The following OSBPL10 variants were observed in gnomAD, a reference collection of about 807,000 sequenced individuals.
OSBPL10 encodes the protein oxysterol-binding protein-related protein 10.
In OSBPL10, 49 loss-of-function variants were observed where a neutral mutation model predicts 81.7. That is an observed-to-expected ratio of 0.60 (90% CI 0.48 to 0.76). The LOEUF (loss-of-function observed/expected upper bound fraction) is 0.76, where lower values mean the gene tolerates loss of function less well. OSBPL10 is among the 30% of genes least tolerant of loss of function. OSBPL10 has a pLI of 0.00. For synonymous variants in OSBPL10, 419 were observed against 383.6 expected (o/e 1.09, Z -1.08); for missense variants, 923 against 987.8 (o/e 0.93, Z 0.88).
At chr3:32,060,730 T>C (rs7634757) in intron 1 of OSBPL10, among the ~76,000 whole-genome samples, 54,661 of 89,470 alleles carry the variant, frequency 0.61, 23,598 homozygotes, top group South Asian at 0.84. Context: ...CCGAGCTGGG[T>C]GGATCACCTG....
chr3:31,775,068 T>TCCCA (rs1698514032), intron 4 of OSBPL10, among the ~76,000 whole-genome samples: 1 of 150,744 alleles, frequency 6.6e-6, no homozygotes, highest in Non-Finnish European at 1.5e-5. Context: ...TCAGTGGGGG[T>TCCCA]GGCTGAGGCA....
At chr3:31,976,089 A>G (rs996159768) in intron 1 of OSBPL10, among the ~76,000 whole-genome samples, 1 of 152,244 alleles carries the variant, frequency 6.6e-6, no homozygotes, top group Non-Finnish European at 1.5e-5. Flanking sequence ...TGAAGTAATC[A>G]TCTTCTCCCC....
At chr3:31,828,909 ACT>A (rs1339842291) in intron 4 of OSBPL10, among the ~76,000 whole-genome samples, 21 of 152,002 alleles carry the variant, frequency 1.4e-4, no homozygotes, top group Non-Finnish European at 2.9e-5. Context: ...TAGAATTCTG[ACT>A]CTCTACTTTT....
intron 3 of OSBPL10, among the ~76,000 whole-genome samples, chr3:31,865,790 C>T (rs1701164854): frequency 6.6e-6 from 1 of 152,194 alleles, no homozygotes; most frequent in African/African-American, 2.4e-5. Flanking sequence ...CACCAAAATT[C>T]TGAGAATTCA....
chr3:31,853,913 CG>C (rs1457395053), intron 3 of OSBPL10, among the ~76,000 whole-genome samples: 1 of 152,124 alleles, frequency 6.6e-6, no homozygotes, highest in Non-Finnish European at 1.5e-5. Context: ...TTATTTATAA[CG>C]TTTCAGGGTT....
At chr3:31,974,819 A>C (rs1240073315) in intron 1 of OSBPL10, among the ~76,000 whole-genome samples, 1 of 152,190 alleles carries the variant, frequency 6.6e-6, no homozygotes, top group East Asian at 1.9e-4. Flanking sequence ...AATTCATTGA[A>C]CTGTGTATGT....
chr3:31,852,297 G>A (rs4349533), intron 3 of OSBPL10, among the ~76,000 whole-genome samples: 44,989 of 151,958 alleles, frequency 0.3, 6,818 homozygotes, highest in East Asian at 0.52. Context: ...CGGCAGTCGG[G>A]GGCAGGGGGT....
intron 1 of OSBPL10, among the ~76,000 whole-genome samples, chr3:31,892,425 G>A (rs918374053): frequency 1.3e-5 from 2 of 152,204 alleles, no homozygotes; most frequent in East Asian, 3.8e-4. Context: ...AGTAGGGAAA[G>A]GCCAGGAAAG....
At chr3:31,997,238 T>A (rs1699098366) in intron 2 of OSBPL10, among the ~76,000 whole-genome samples, 1 of 151,920 alleles carries the variant, frequency 6.6e-6, no homozygotes, top group Non-Finnish European at 1.5e-5. Context: ...CCTAATAGTC[T>A]CCCTATGAGC....
chr3:31,800,615 A>G (rs1177241779), intron 4 of OSBPL10, among the ~76,000 whole-genome samples: 2 of 152,286 alleles, frequency 1.3e-5, no homozygotes, highest in Non-Finnish European at 2.9e-5. Flanking sequence ...AAATGCTTAT[A>G]CGAATAAACA....
chr3:31,675,489 C>T (rs1700444347), intron 8 of OSBPL10, among the ~76,000 whole-genome samples: 2 of 152,316 alleles, frequency 1.3e-5, no homozygotes, highest in African/African-American at 2.4e-5. Flanking sequence ...ATAATGGTAT[C>T]TGTATCTCCC....
intron 4 of OSBPL10, among the ~76,000 whole-genome samples, chr3:31,778,267 C>G (rs1698598654): frequency 6.6e-6 from 1 of 152,172 alleles, no homozygotes; most frequent in East Asian, 1.9e-4. Context: ...TCCCTAGTGA[C>G]AGAGGCAGCC....
chr3:31,774,401 G>GATCA (rs1698486614), intron 4 of OSBPL10, among the ~76,000 whole-genome samples: 1 of 152,222 alleles, frequency 6.6e-6, no homozygotes, highest in Non-Finnish European at 1.5e-5. Flanking sequence ...GGCGAGCGGA[G>GATCA]TGTCGAGGCT....
At chr3:31,748,234 T>C in intron 4 of OSBPL10, 114 bp from the exon 5 acceptor site, 1 of 873,334 alleles carries the variant, frequency 1.1e-6, no homozygotes, top group Non-Finnish European at 1.8e-6. Flanking sequence ...CAACTCAGCG[T>C]GTTCGGTGCA....
intron 6 of OSBPL10, among the ~76,000 whole-genome samples, chr3:31,716,617 G>A (rs1696447284): frequency 6.6e-6 from 1 of 152,180 alleles, no homozygotes; most frequent in African/African-American, 2.4e-5. Flanking sequence ...CAGCCCCTCA[G>A]ATTCTCCAAA....
chr3:31,813,659 G>A (rs113409396), intron 4 of OSBPL10, among the ~76,000 whole-genome samples: 161 of 152,266 alleles, frequency 1.1e-3, no homozygotes, highest in African/African-American at 3.7e-3. Flanking sequence ...GGGAGGGGAC[G>A]AGGTGCATGT....
intron 3 of OSBPL10, among the ~76,000 whole-genome samples, chr3:31,874,739 T>C (rs1701408411): frequency 6.6e-6 from 1 of 152,124 alleles, no homozygotes; most frequent in African/African-American, 2.4e-5. Flanking sequence ...AACAAACTCT[T>C]ACAGAACTGG....
chr3:31,989,917 C>T (rs906686508), intron 2 of OSBPL10: 2 of 1,614,156 alleles, frequency 1.2e-6, no homozygotes, highest in Non-Finnish European at 1.7e-6. Flanking sequence ...TCATAGATGT[C>T]ACACTGGTGA....
At chr3:32,045,947 T>C (rs1699617668) in intron 2 of OSBPL10, 1 of 152,272 alleles carries the variant, frequency 6.6e-6, no homozygotes, top group Non-Finnish European at 1.5e-5. Flanking sequence ...CACTCTTTCC[T>C]GACTTCTTAA....
Sources: gnomAD v4.1 joint callset for allele counts (sites outside exome capture counted in the v4.1 genomes callset) on GRCh38, gnomAD v4.1.1 for gene constraint, MANE v1.5 for transcripts, NCBI Gene and HGNC (gene_info 2026-07-23, HGNC 2026-07-21) for gene names.